Variants in MCC observed in about 807,000 individuals in gnomAD.
MCC encodes the protein MCC regulator of Wnt signaling pathway, also known as colorectal mutant cancer protein.
MCC carries 90 observed loss-of-function variants against 116.2 expected under a neutral mutation model. The ratio of observed to expected loss-of-function variants is 0.77; its 90% CI spans 0.65 to 0.92. MCC has a LOEUF of 0.92. MCC is among the 40% of genes least tolerant of loss of function. The pLI is 0.00. For synonymous variants in MCC, 578 were observed against 510.5 expected (o/e 1.13, Z -1.78); for missense variants, 1,516 against 1,312.2 (o/e 1.16, Z -2.40).
At chr5:113,263,122 G>A (rs918472198) in intron 3 of MCC, among the ~76,000 whole-genome samples, 1 of 152,182 alleles carries the variant, frequency 6.6e-6, no homozygotes, top group Non-Finnish European at 1.5e-5. Context: ...GAGAGGGAAC[G>A]TTCAAGACTG....
At chr5:113,109,763 G>T (rs1400251724) in intron 6 of MCC, among the ~76,000 whole-genome samples, 1 of 152,168 alleles carries the variant, frequency 6.6e-6, no homozygotes, top group Non-Finnish European at 1.5e-5. Flanking sequence ...ATTCAGAAAG[G>T]ATTTGAAGTA....
chr5:113,366,382 T>A (rs1029463993), intron 2 of MCC, among the ~76,000 whole-genome samples: 11 of 152,098 alleles, frequency 7.2e-5, no homozygotes, highest in African/African-American at 2.7e-4. Context: ...TAAGTAATTG[T>A]AGAAACTGAA....
chr5:113,088,135 T>G (rs1299538054), intron 8 of MCC, among the ~76,000 whole-genome samples: 1 of 152,178 alleles, frequency 6.6e-6, no homozygotes, highest in Non-Finnish European at 1.5e-5. Flanking sequence ...TGGGCTATGC[T>G]TTATTATTTA....
intron 17 of MCC, among the ~76,000 whole-genome samples, chr5:113,033,904 G>A (rs542109670): frequency 1.3e-5 from 2 of 152,276 alleles, no homozygotes; most frequent in Admixed American, 1.3e-4. Context: ...GGACTTTTAA[G>A]AGACAGGGTC....
At chr5:113,029,103 C>A (rs370589805) in intron 17 of MCC, 47 bp from the exon 18 acceptor site, 1 of 1,556,288 alleles carries the variant, frequency 6.4e-7, no homozygotes, top group Non-Finnish European at 8.7e-7. Context: ...TGAGATGATG[C>A]TGGAGGTGCC....
At chr5:113,393,273 C>G (rs779857586) in intron 1 of MCC, among the ~76,000 whole-genome samples, 21 of 152,102 alleles carry the variant, frequency 1.4e-4, no homozygotes, top group Non-Finnish European at 2.8e-4. Context: ...ATTACATACT[C>G]TGTAACTTTC....
chr5:113,303,503 T>A (rs1437009125), intron 3 of MCC, among the ~76,000 whole-genome samples: 1 of 152,176 alleles, frequency 6.6e-6, no homozygotes, highest in Non-Finnish European at 1.5e-5. Flanking sequence ...GGGATGCTGC[T>A]GAGAGTTTAA....
chr5:113,369,046 C>T (rs186160655), intron 2 of MCC, among the ~76,000 whole-genome samples: 1 of 152,078 alleles, frequency 6.6e-6, no homozygotes, highest in East Asian at 1.9e-4. Context: ...ATGGGTAAGG[C>T]ATGTGGGAGG....
chr5:113,232,231 T>C (rs1274682856), intron 3 of MCC, among the ~76,000 whole-genome samples: 1 of 152,192 alleles, frequency 6.6e-6, no homozygotes, highest in Non-Finnish European at 1.5e-5. Context: ...GAAAACAACA[T>C]ATCCAGAATC....
chr5:113,271,204 A>T (rs540744495), intron 3 of MCC, among the ~76,000 whole-genome samples: 67 of 152,298 alleles, frequency 4.4e-4, no homozygotes, highest in Non-Finnish European at 4.3e-4. Context: ...CTGCCTGTGG[A>T]TTCCTATGCG....
At chr5:113,414,732 G>T (rs1036275437) in intron 1 of MCC, among the ~76,000 whole-genome samples, 1 of 152,148 alleles carries the variant, frequency 6.6e-6, no homozygotes, top group African/African-American at 2.4e-5. Context: ...TTGCCAGTCT[G>T]TGTCTTTTAA....
intron 2 of MCC, among the ~76,000 whole-genome samples, chr5:113,351,512 T>C (rs1033889762): frequency 2.0e-5 from 3 of 151,942 alleles, no homozygotes; most frequent in African/African-American, 4.8e-5. Context: ...CTCATGGAGA[T>C]AGAGGATAAG....
intron 3 of MCC, among the ~76,000 whole-genome samples, chr5:113,263,721 T>G (rs1428279616): frequency 3.3e-5 from 5 of 152,182 alleles, no homozygotes; most frequent in Non-Finnish European, 5.9e-5. Flanking sequence ...AAAGCTGTAA[T>G]ATAGCTATTA....
chr5:113,261,796 C>T (rs1195399168), intron 3 of MCC, among the ~76,000 whole-genome samples: 4 of 149,002 alleles, frequency 2.7e-5, no homozygotes, highest in Non-Finnish European at 5.9e-5. Flanking sequence ...CCTAAAAGCA[C>T]TCTCCGTTTG....
intron 3 of MCC, among the ~76,000 whole-genome samples, chr5:113,319,921 C>A (rs1283853272): frequency 6.6e-6 from 1 of 152,148 alleles, no homozygotes; most frequent in Non-Finnish European, 1.5e-5. Context: ...CCATATGAGG[C>A]CCCAAAGTTA....
intron 3 of MCC, among the ~76,000 whole-genome samples, chr5:113,263,936 AG>A (rs1301447003): frequency 1.3e-5 from 2 of 151,252 alleles, no homozygotes; most frequent in Non-Finnish European, 2.9e-5. Flanking sequence ...GAAGAAAAAA[AG>A]AAAAAAAAAA....
At chr5:113,235,178 A>G (rs1028768965) in intron 3 of MCC, among the ~76,000 whole-genome samples, 1 of 152,218 alleles carries the variant, frequency 6.6e-6, no homozygotes, top group African/African-American at 2.4e-5. Context: ...TGGGCTTTTT[A>G]AAAAATCAAT....
intron 2 of MCC, among the ~76,000 whole-genome samples, chr5:113,374,932 C>CA (rs1190653686): frequency 7.0e-6 from 1 of 141,980 alleles, no homozygotes; most frequent in East Asian, 2.1e-4. Context: ...GTCAAGGCTG[C>CA]AGTGAGCCGT....
At chr5:113,084,696 GT>G (rs1755084155) in intron 9 of MCC, among the ~76,000 whole-genome samples, 2 of 152,260 alleles carry the variant, frequency 1.3e-5, no homozygotes, top group African/African-American at 4.8e-5. Flanking sequence ...GGCTGTGGCA[GT>G]GAGTCAGTGG....
Sources: allele counts gnomAD v4.1 joint callset (sites outside exome capture counted in the v4.1 genomes callset), GRCh38; gene constraint gnomAD v4.1.1; transcripts MANE v1.5; gene names NCBI Gene and HGNC (gene_info 2026-07-23, HGNC 2026-07-21).